Variants in IGSF6 observed in about 807,000 individuals in gnomAD.
IGSF6 encodes immunoglobulin superfamily member 6, also known as down-regulated by activation (immunoglobulin superfamily).
IGSF6 carries 23 observed loss-of-function variants against 24.7 expected under a neutral mutation model. The ratio of observed to expected loss-of-function variants is 0.93; its 90% CI spans 0.67 to 1.32. IGSF6 has a LOEUF of 1.32. Among genes scored for constraint, IGSF6 ranks in the 40% most tolerant of loss-of-function variants. The pLI is 0.00. For missense variants in IGSF6, 295 were observed against 293.6 expected (o/e 1.00, Z -0.04); for synonymous variants, 110 against 113.7 (o/e 0.97, Z 0.21).
chr16:21,647,049 G>C (rs181858671), intron 2 of IGSF6, 84 bp downstream of exon 2: 188 of 1,569,918 alleles, frequency 1.2e-4, no homozygotes, highest in Middle Eastern at 1.7e-4. Flanking sequence ...TTTATCTCCT[G>C]ATTTCTACAT....
At chr16:21,642,927 G>A (rs1966312505) in intron 5 of IGSF6, 147 bp downstream of exon 5, 1 of 558,542 alleles carries the variant, frequency 1.8e-6, no homozygotes, top group Admixed American at 3.1e-5. Flanking sequence ...ATTAAAACAG[G>A]TTCTATATAA....
At position 21,640,027 on chromosome 16, in the gene IGSF6, A is replaced by C. The variant is rs1476733946; in HGVS notation, c.*1507T>G. The stretch of plus-strand genomic sequence containing the variant: ...GATCTCAGCTCACTGCAACCTCCGC[A>C]TCCTGGGTTCAAGTGATCTCCTGCC... On this transcript the variant is annotated 3_prime_UTR_variant, in exon 6 of 6. Transcript: ENST00000268389. The C allele has an allele frequency of 6.6e-6, 1 of 151,982 alleles. No individual in the cohort carries two copies. Among genetic ancestry groups the C allele is most frequent in the Non-Finnish European group, 1.5e-5 (1 of 68,008 alleles). The allele number at this position is 151,982 out of a possible 1,614,324, so 9.4% of individuals were successfully genotyped here.
chr16:21,651,732 C>T (rs1302146880), intron 1 of IGSF6: 1 of 152,180 alleles, frequency 6.6e-6, no homozygotes, highest in Non-Finnish European at 1.5e-5. Context: ...CCCTCACTCC[C>T]ATATTATTTT....
At position 21,651,147 on chromosome 16, in the gene IGSF6, C is replaced by T. The variant is rs956375063; in HGVS notation, c.67+1385G>A. 8.5e-5 allele frequency among the ~76,000 whole-genome samples: 13 copies of T among 152,096 alleles called. No homozygotes were observed. In the South Asian group the frequency reaches 1.5e-3, roughly 17 times the overall value. On this transcript the variant is annotated intron_variant, in intron 1 of 5. Transcript: ENST00000268389. The stretch of plus-strand genomic sequence containing the variant: ...CTGAGGCAGGAGAATGGCGTGAACC[C>T]GGGAGGCGGAGCTTGCAGTGAGCCG...
At chr16:21,643,671 C>T in intron 3 of IGSF6, 73 bp from the exon 4 acceptor site, 1 of 953,644 alleles carries the variant, frequency 1.0e-6, no homozygotes, top group Non-Finnish European at 1.6e-6. Context: ...ATCTCATGCC[C>T]TAATAAGATT....
At chr16:21,646,946 G>A (rs1966444005) in intron 2 of IGSF6, 187 bp downstream of exon 2, 5 of 728,694 alleles carry the variant, frequency 6.9e-6, no homozygotes, top group African/African-American at 3.5e-5. Context: ...GAGCCACCAC[G>A]CCCAGCCAGT....
intron 1 of IGSF6, among the ~76,000 whole-genome samples, chr16:21,650,908 A>G (rs527766779): frequency 8.5e-5 from 13 of 152,168 alleles, no homozygotes; most frequent in Admixed American, 2.0e-4. Context: ...GGGAATAGAA[A>G]GATTATTCTT....
At chr16:21,642,834 T>C (rs2141611912) in intron 5 of IGSF6, among the ~76,000 whole-genome samples, 1 of 152,372 alleles carries the variant, frequency 6.6e-6, no homozygotes, top group East Asian at 1.9e-4. Flanking sequence ...TCGTGTCTAA[T>C]GTGTTTCTGA....
chr16:21,642,562 A>G (rs1367413094), intron 5 of IGSF6, among the ~76,000 whole-genome samples: 1 of 152,248 alleles, frequency 6.6e-6, no homozygotes, highest in Non-Finnish European at 1.5e-5. Context: ...GAATACTTTC[A>G]GGATGTATTA....
Position 21,644,359 on chromosome 16 carries a change from C to G in IGSF6, c.465G>C (p.Leu155=). 1 of 1,613,982 alleles carries G rather than the reference C, an allele frequency of 6.2e-7. No homozygotes were observed. The highest frequency in any genetic ancestry group is 8.5e-7 in the Non-Finnish European group (1 of 1,179,900). ...KLLSKELRSF[L]TALVSLLSVY... is the part of the protein sequence containing the mutation. ...CAGAGAGCAGTGATACAAGAGCTGTCAGGAAGCTCCGCAGTTCCTTGCTGA... is the reference window on the plus strand; with the variant it reads ...CAGAGAGCAGTGATACAAGAGCTGTGAGGAAGCTCCGCAGTTCCTTGCTGA... Residue 155 remains leucine, a synonymous_variant, in exon 3 of 6, where the codon CTG becomes CTC. Coordinates refer to ENST00000268389, the MANE Select transcript of IGSF6 (RefSeq NM_005849.4).
intron 2 of IGSF6, chr16:21,646,521 A>G (rs1358636255): frequency 1.8e-5 from 3 of 162,378 alleles, no homozygotes. Context: ...CCCTTTGGAC[A>G]TGGTACTTTA....
rs1433922128 is a variant in IGSF6 at position 21,652,602 on chromosome 16, T to A, written c.-4A>T. 1.2e-6 allele frequency: 2 copies of A among 1,607,288 alleles called. No individual in the cohort carries two copies. The highest frequency in any genetic ancestry group is 3.4e-5 in the Admixed American group (2 of 58,956). On this transcript the variant is annotated 5_prime_UTR_variant, in exon 1 of 6. Transcript: ENST00000268389. ...TGCTTCTGCTCGCAGTCCCCATTTC[T>A]GTGTATGCCGGGGCGGGTTGGGGTG...
At chr16:21,650,923 T>C (rs1400852486) in intron 1 of IGSF6, among the ~76,000 whole-genome samples, 1 of 152,176 alleles carries the variant, frequency 6.6e-6, no homozygotes, top group Non-Finnish European at 1.5e-5. Flanking sequence ...ATTCTTATTA[T>C]TTTAAAAAAC....
At chr16:21,649,262 G>A (rs968177764) in intron 1 of IGSF6, among the ~76,000 whole-genome samples, 1 of 152,096 alleles carries the variant, frequency 6.6e-6, no homozygotes, top group Non-Finnish European at 1.5e-5. Context: ...CAAAGTGCTG[G>A]GATTACAGGT....
chr16:21,647,129 T>A lies in IGSF6; in HGVS notation c.427+4A>T, dbSNP rs763573457. ...TGCACTGAAATAAAGCCTCGCTGAC[T>A]GACCTCTTACCACCAGTGTGGTCCC... is the stretch of plus-strand genomic sequence containing the variant. On this transcript the variant is annotated splice_donor_region_variant and intron_variant, in intron 2 of 5. Transcript: ENST00000268389. The A allele has an allele frequency of 5.6e-6, 9 of 1,614,122 alleles. No homozygotes were observed. In the African/African-American group the frequency reaches 1.2e-4, roughly 22 times the overall value.
At position 21,643,624 on chromosome 16, in the gene IGSF6, T is replaced by C. The variant is rs759311411; in HGVS notation, c.535-26A>G. The C allele has an allele frequency of 7.8e-6, 12 of 1,535,402 alleles. No homozygotes were observed. The Admixed American group carries it at 2.1e-4, about 27-fold the overall frequency. The stretch of plus-strand genomic sequence containing the variant: ...CTGCCAAGAAGAGAAGGAAAGTCTA[T>C]GAAACATTTTATGTACTCATAACAA... On this transcript the variant is annotated intron_variant, in intron 3 of 5. Coordinates refer to ENST00000268389, the MANE Select transcript of IGSF6 (RefSeq NM_005849.4).
chr16:21,643,883 A>G (rs569629268), intron 3 of IGSF6, among the ~76,000 whole-genome samples: 2 of 152,268 alleles, frequency 1.3e-5, no homozygotes, highest in African/African-American at 4.8e-5. Flanking sequence ...GCCCTTTTTG[A>G]AGATTTTAAG....
intron 1 of IGSF6, 29 bp from the exon 2 acceptor site, chr16:21,647,521 ATGGGCCTGCCACCTCACTT>A (rs747653210): frequency 6.3e-7 from 1 of 1,585,344 alleles, no homozygotes; most frequent in South Asian, 1.1e-5. Context: ...GAGTGGGTTA[ATGGGCCTGCCACCTCACTT>A]TGTGCTTTTA....
At chr16:21,645,743 A>G (rs890760443) in intron 2 of IGSF6, among the ~76,000 whole-genome samples, 1 of 152,194 alleles carries the variant, frequency 6.6e-6, no homozygotes, top group Non-Finnish European at 1.5e-5. Context: ...ATGTTTTTAG[A>G]AGGCTAATGC....
Sources: gnomAD v4.1 joint callset for allele counts (sites outside exome capture counted in the v4.1 genomes callset) on GRCh38, gnomAD v4.1.1 for gene constraint, MANE v1.5 for transcripts, NCBI Gene and HGNC (gene_info 2026-07-23, HGNC 2026-07-21) for gene names.